The following ZNF827 variants were observed in gnomAD, a reference collection of about 807,000 sequenced individuals.
ZNF827 encodes zinc finger protein 827.
A neutral mutation model predicts 102.4 loss-of-function variants in ZNF827; 13 were observed. That is an observed-to-expected ratio of 0.13 (90% CI 0.08 to 0.20). The LOEUF (loss-of-function observed/expected upper bound fraction) is 0.20, where lower values mean the gene tolerates loss of function less well. Ranked by LOEUF, ZNF827 falls within the 10% of genes least tolerant of loss-of-function variation. The pLI, the probability that ZNF827 is intolerant of heterozygous loss-of-function variation, is 1.00. For missense variants in ZNF827, 1,103 were observed against 1,344.4 expected (o/e 0.82, Z 2.81); for synonymous variants, 523 against 536.2 (o/e 0.98, Z 0.34).
intron 9 of ZNF827, among the ~76,000 whole-genome samples, chr4:145,778,702 G>A (rs1260540550): frequency 6.6e-6 from 1 of 152,036 alleles, no homozygotes; most frequent in Non-Finnish European, 1.5e-5. Flanking sequence ...TCTTTATTTT[G>A]AACTTTTCTT....
At chr4:145,921,127 G>C (rs987482665) in intron 1 of ZNF827, among the ~76,000 whole-genome samples, 2 of 152,136 alleles carry the variant, frequency 1.3e-5, no homozygotes, top group Non-Finnish European at 2.9e-5. Flanking sequence ...CTAAGTAGGA[G>C]GTTATCAGGC....
chr4:145,900,135 A>G (rs1252110105), intron 2 of ZNF827, among the ~76,000 whole-genome samples: 1 of 152,162 alleles, frequency 6.6e-6, no homozygotes, highest in East Asian at 1.9e-4. Flanking sequence ...TCATCTTTAC[A>G]TGTATCTGGT....
chr4:145,848,917 C>T (rs779427660), intron 6 of ZNF827, among the ~76,000 whole-genome samples: 1 of 152,072 alleles, frequency 6.6e-6, no homozygotes. Context: ...CTCATTAATT[C>T]AGACCACACT....
At chr4:145,783,881 A>G (rs1738468018) in intron 8 of ZNF827, among the ~76,000 whole-genome samples, 1 of 152,152 alleles carries the variant, frequency 6.6e-6, no homozygotes, top group Admixed American at 6.5e-5. Context: ...TCAAATTATA[A>G]TTCCCAGTAT....
At position 145,937,957 on chromosome 4, in the gene ZNF827, TAA is replaced by T. The variant is rs1262050629; in HGVS notation, c.43+406_43+407del. Among the ~76,000 whole-genome samples, 351 of 148,660 alleles carry T rather than the reference TAA, an allele frequency of 2.4e-3. 1 individual carries two copies. The highest frequency in any genetic ancestry group is 8.2e-3 in the African/African-American group (327 of 40,064). The stretch of plus-strand genomic sequence containing the variant: ...AATCCACAAGGAATTTTTTTTTTTT[TAA>T]GATTCCAACCTCTCCCACCTCCCCC... On this transcript the variant is annotated intron_variant, in intron 1 of 14. Coordinates refer to ENST00000508784, the MANE Select transcript of ZNF827 (RefSeq NM_001306215.2).
At chr4:145,775,539 C>T (rs1579128695) in intron 10 of ZNF827, among the ~76,000 whole-genome samples, 1 of 152,078 alleles carries the variant, frequency 6.6e-6, no homozygotes, top group African/African-American at 2.4e-5. Flanking sequence ...CCGTCTCTGT[C>T]TGGAGCTCCA....
intron 5 of ZNF827, among the ~76,000 whole-genome samples, chr4:145,854,524 G>A (rs1202172509): frequency 2.6e-5 from 4 of 152,096 alleles, no homozygotes; most frequent in South Asian, 2.1e-4. Flanking sequence ...AGCTTCCTGC[G>A]CTCTGCCTTC....
In ZNF827 at chr4:145,771,291, CTTTAT is replaced by C. The variant is rs555953846; in HGVS notation, c.2860+3210_2860+3214del. 4.1e-4 allele frequency among the ~76,000 whole-genome samples: 62 copies of C among 152,098 alleles called. 1 individual carries two copies. In the South Asian group the frequency reaches 0.013, roughly 32 times the overall value. On this transcript the variant is annotated intron_variant, in intron 11 of 14. Coordinates refer to ENST00000508784, the MANE Select transcript of ZNF827 (RefSeq NM_001306215.2). ...GATCTCTCGATTGTTTTCATTTGTG[CTTTAT>C]TTTATCACTTAAGCTTTTACAAATC...
chr4:145,847,023 G>A (rs1003179147), intron 6 of ZNF827, among the ~76,000 whole-genome samples: 5 of 151,818 alleles, frequency 3.3e-5, no homozygotes, highest in Admixed American at 2.0e-4. Flanking sequence ...GCGTGATGGC[G>A]CGTGCCTGTA....
At chr4:145,888,539 G>A (rs1750319655) in intron 3 of ZNF827, among the ~76,000 whole-genome samples, 1 of 152,180 alleles carries the variant, frequency 6.6e-6, no homozygotes, top group Non-Finnish European at 1.5e-5. Context: ...GGATGCTTGG[G>A]TTGTGGTATT....
chr4:145,934,933 T>C (rs1276804482), intron 1 of ZNF827, among the ~76,000 whole-genome samples: 1 of 152,200 alleles, frequency 6.6e-6, no homozygotes, highest in Non-Finnish European at 1.5e-5. Context: ...CTTAAATGTG[T>C]TCACAGGTTC....
intron 8 of ZNF827, among the ~76,000 whole-genome samples, chr4:145,791,473 G>A (rs1039926285): frequency 3.9e-5 from 6 of 152,164 alleles, no homozygotes; most frequent in African/African-American, 1.2e-4. Context: ...GAGGAGGAAA[G>A]GGATTATTAG....
intron 8 of ZNF827, among the ~76,000 whole-genome samples, chr4:145,798,088 G>T (rs1740542035): frequency 6.6e-6 from 1 of 152,188 alleles, no homozygotes; most frequent in South Asian, 2.1e-4. Context: ...GAGAAGAAAA[G>T]CAAGACAGAG....
intron 8 of ZNF827, among the ~76,000 whole-genome samples, chr4:145,793,477 A>G (rs1177524200): frequency 6.6e-6 from 1 of 151,218 alleles, no homozygotes; most frequent in Non-Finnish European, 1.5e-5. Flanking sequence ...AAGGGCAGGA[A>G]GCATCCAGCA....
rs149411479 is a variant in ZNF827, at chr4:145,914,131, T to C, written c.44-10916A>G. Among the ~76,000 whole-genome samples the C allele has an allele frequency of 7.9e-5, 12 of 152,026 alleles. No homozygotes were observed. The East Asian group carries it at 1.7e-3, about 22-fold the overall frequency. The stretch of plus-strand genomic sequence containing the variant: ...GATGTACCTTGTAATAAACATATTA[T>C]AGTCATCATCATTCTGTCTGCCAAA... On this transcript the variant is annotated intron_variant, in intron 1 of 14. Transcript: ENST00000508784.
chr4:145,884,595 G>A (rs543525988), intron 4 of ZNF827, among the ~76,000 whole-genome samples: 3 of 152,024 alleles, frequency 2.0e-5, no homozygotes, highest in African/African-American at 4.8e-5. Context: ...TCTTAAAAGC[G>A]TAATGAGTAG....
intron 5 of ZNF827, among the ~76,000 whole-genome samples, chr4:145,866,707 C>A (rs1029840998): frequency 6.6e-5 from 10 of 152,196 alleles, no homozygotes; most frequent in Non-Finnish European, 1.2e-4. Flanking sequence ...TTTTAAATGG[C>A]ATTCTTATCT....
intron 7 of ZNF827, among the ~76,000 whole-genome samples, chr4:145,828,406 C>T (rs1743887877): frequency 6.6e-6 from 1 of 152,178 alleles, no homozygotes; most frequent in Non-Finnish European, 1.5e-5. Flanking sequence ...TGGAAATTAA[C>T]AGCTAATGGG....
intron 1 of ZNF827, among the ~76,000 whole-genome samples, chr4:145,920,501 G>A (rs1199566911): frequency 6.6e-6 from 1 of 152,216 alleles, no homozygotes; most frequent in Non-Finnish European, 1.5e-5. Context: ...CTCAGGAAGG[G>A]AGGAGAAGCA....
Sources: allele counts gnomAD v4.1 joint callset (sites outside exome capture counted in the v4.1 genomes callset), GRCh38; gene constraint gnomAD v4.1.1; transcripts MANE v1.5; gene names NCBI Gene and HGNC (gene_info 2026-07-23, HGNC 2026-07-21).